Variants in MPZL1 observed in about 807,000 individuals in gnomAD.
The protein encoded by MPZL1 is myelin protein zero like 1.
In MPZL1, 16 loss-of-function variants were observed where a neutral mutation model predicts 29.3. That is an observed-to-expected ratio of 0.55 (90% CI 0.37 to 0.83). The LOEUF (loss-of-function observed/expected upper bound fraction) is 0.83. Among genes scored for constraint, MPZL1 ranks in the 40% least tolerant of loss-of-function variants. MPZL1 has a pLI of 0.00. For missense variants in MPZL1, 279 were observed against 332.9 expected, an observed-to-expected ratio of 0.84 and a Z score of 1.26; for synonymous variants, 143 against 132.0, an observed-to-expected ratio of 1.08 and a Z score of -0.57.
chr1:167,734,221 A>C (rs958294878), intron 1 of MPZL1, among the ~76,000 whole-genome samples: 2 of 151,140 alleles, frequency 1.3e-5, no homozygotes, highest in Admixed American at 6.6e-5. Flanking sequence ...GCGCCACTGC[A>C]CTCCAGCCTG....
intron 5 of MPZL1, among the ~76,000 whole-genome samples, chr1:167,779,095 C>G (rs1661434213): frequency 6.6e-6 from 1 of 151,398 alleles, no homozygotes; most frequent in African/African-American, 2.4e-5. Context: ...GTACTCCAGC[C>G]TGGGCAACAG....
intron 1 of MPZL1, among the ~76,000 whole-genome samples, chr1:167,723,670 G>A (rs754324495): frequency 3.3e-5 from 5 of 152,202 alleles, no homozygotes; most frequent in Non-Finnish European, 5.9e-5. Flanking sequence ...GGTATTAAAC[G>A]TAGAAGGAGT....
At chr1:167,767,839 A>G (rs1661150696) in intron 2 of MPZL1, among the ~76,000 whole-genome samples, 1 of 121,512 alleles carries the variant, frequency 8.2e-6, no homozygotes, top group African/African-American at 3.4e-5. Flanking sequence ...TCATCTGCAG[A>G]TGAGTTTTGT....
chr1:167,767,631 G>A (rs1331083067), intron 2 of MPZL1, among the ~76,000 whole-genome samples: 4 of 152,128 alleles, frequency 2.6e-5, no homozygotes, highest in African/African-American at 9.7e-5. Flanking sequence ...TTAATAAGAT[G>A]AGTGGGTTGC....
intron 1 of MPZL1, among the ~76,000 whole-genome samples, chr1:167,757,642 A>G (rs1488239244): frequency 6.6e-6 from 1 of 152,190 alleles, no homozygotes; most frequent in Non-Finnish European, 1.5e-5. Context: ...TTAAAAGGTC[A>G]TATTTATGCT....
intron 1 of MPZL1, among the ~76,000 whole-genome samples, chr1:167,737,355 A>G (rs112962975): frequency 2.9e-3 from 438 of 152,288 alleles, no homozygotes; most frequent in African/African-American, 9.9e-3. Flanking sequence ...TCAGTCCTCA[A>G]CTTTGTACTG....
chr1:167,740,507 T>G lies in MPZL1; in HGVS notation c.91+18265T>G, dbSNP rs148041871. Reference sequence around the variant, plus strand: ...ACTTACACCACATTCTCTGGTTTTCTTCCCCTCTCACAGTCTGCTCCCTTT... The same window carrying G: ...ACTTACACCACATTCTCTGGTTTTCGTCCCCTCTCACAGTCTGCTCCCTTT... On this transcript the variant is annotated intron_variant, in intron 1 of 5. Transcript: ENST00000359523. 7.8e-3 allele frequency among the ~76,000 whole-genome samples: 1,182 copies of G among 152,290 alleles called. 12 individuals are homozygous for G. The highest frequency in any genetic ancestry group is 0.012 in the Non-Finnish European group (817 of 68,018).
intron 5 of MPZL1, among the ~76,000 whole-genome samples, chr1:167,784,897 T>G (rs1296707078): frequency 6.6e-6 from 1 of 152,234 alleles, no homozygotes; most frequent in Non-Finnish European, 1.5e-5. Flanking sequence ...TGTTTTCCCA[T>G]TTACTTTCAT....
rs1660037208 is a variant in MPZL1 at position 167,722,011 on chromosome 1, G to C, written c.-141G>C. ...AGCTGGAGAGCCGCGGCTGGGACCG[G>C]AGTGGGGAGCGCGGCGTGGAGGTGC... is the stretch of plus-strand genomic sequence containing the variant. On this transcript the variant is annotated 5_prime_UTR_variant, in exon 1 of 6. Coordinates refer to ENST00000359523, the MANE Select transcript of MPZL1 (RefSeq NM_003953.6). The C allele has an allele frequency of 5.1e-6, 6 of 1,169,394 alleles. No homozygotes were observed. Among genetic ancestry groups the C allele is most frequent in the Admixed American group, 4.3e-5 (1 of 23,492 alleles). The allele number at this position is 1,169,394 out of a possible 1,614,324, so 72.4% of individuals were successfully genotyped here.
chr1:167,747,208 A>G (rs566954669), intron 1 of MPZL1, among the ~76,000 whole-genome samples: 1 of 152,302 alleles, frequency 6.6e-6, no homozygotes, highest in East Asian at 1.9e-4. Context: ...TCTTTTAAAA[A>G]CATTTTCTAA....
In MPZL1 at chr1:167,746,432, C is replaced by T. The variant is rs3820394; in HGVS notation, c.92-19151C>T. 2.9e-4 allele frequency among the ~76,000 whole-genome samples: 44 copies of T among 150,952 alleles called. No homozygotes were observed. The East Asian group carries it at 8.3e-3, about 28-fold the overall frequency. On this transcript the variant is annotated intron_variant, in intron 1 of 5. Transcript: ENST00000359523. ...GCAGCATTGTAAAGCAGCTCTCCCT[C>T]CCTGTTTGCATCAGCAAAGGGGTGG...
chr1:167,728,733 A>G (rs771002070), intron 1 of MPZL1, among the ~76,000 whole-genome samples: 4 of 152,150 alleles, frequency 2.6e-5, no homozygotes, highest in Admixed American at 6.5e-5. Context: ...CAACAGTGAT[A>G]CACTGAATCC....
intron 1 of MPZL1, among the ~76,000 whole-genome samples, chr1:167,760,483 G>A (rs1184815047): frequency 6.6e-6 from 1 of 152,070 alleles, no homozygotes; most frequent in East Asian, 1.9e-4. Flanking sequence ...GATTACAAAC[G>A]TGAGCCACCG....
At chr1:167,750,919 T>C (rs932594789) in intron 1 of MPZL1, among the ~76,000 whole-genome samples, 6 of 152,366 alleles carry the variant, frequency 3.9e-5, no homozygotes, top group Middle Eastern at 6.8e-3. Context: ...TAATGTATAT[T>C]ATATAAGCCA....
intron 1 of MPZL1, among the ~76,000 whole-genome samples, chr1:167,738,268 A>G (rs893524572): frequency 6.6e-6 from 1 of 152,114 alleles, no homozygotes; most frequent in Admixed American, 6.6e-5. Flanking sequence ...TGATTTAACT[A>G]AATAATCAGG....
intron 1 of MPZL1, among the ~76,000 whole-genome samples, chr1:167,737,489 C>G (rs1202784249): frequency 2.0e-5 from 3 of 152,168 alleles, no homozygotes; most frequent in African/African-American, 7.2e-5. Flanking sequence ...GTTTAACTTA[C>G]AGTGAACTTT....
chr1:167,787,974 G>A lies in MPZL1; in HGVS notation c.*53G>A, dbSNP rs569216690. On this transcript the variant is annotated 3_prime_UTR_variant, in exon 6 of 6. Transcript: ENST00000359523. ...AGAAACAAAACCAAACTGGACTCTC[G>A]TGCAGAAAATGTAGCCCATTACCAC... 5.4e-5 allele frequency: 80 copies of A among 1,480,206 alleles called. No individual in the cohort carries two copies. In the East Asian group the frequency reaches 1.4e-3, roughly 26 times the overall value. The allele number at this position is 1,480,206 out of a possible 1,614,324, so 91.7% of individuals were successfully genotyped here.
chr1:167,775,458 C>T (rs16859647), intron 4 of MPZL1, among the ~76,000 whole-genome samples: 5,426 of 152,262 alleles, frequency 0.036, 141 homozygotes, highest in Middle Eastern at 0.1. Flanking sequence ...CTACTGTCAC[C>T]GTGAAAAGGT....
intron 5 of MPZL1, among the ~76,000 whole-genome samples, chr1:167,779,584 CA>C (rs111502777): frequency 7.7e-4 from 103 of 133,658 alleles, no homozygotes; most frequent in African/African-American, 1.2e-3. Context: ...GACTCCATCT[CA>C]AAAAAAAAAA....
Sources: allele counts gnomAD v4.1 joint callset (sites outside exome capture counted in the v4.1 genomes callset), GRCh38; gene constraint gnomAD v4.1.1; transcripts MANE v1.5; gene names NCBI Gene and HGNC (gene_info 2026-07-23, HGNC 2026-07-21).